REL: variants seen among roughly 807,000 people sequenced by gnomAD.
The protein encoded by REL is proto-oncogene c-Rel.
REL carries 15 observed loss-of-function variants against 45.9 expected under a neutral mutation model. That is an observed-to-expected ratio of 0.33 (90% CI 0.22 to 0.50). REL has a LOEUF of 0.50. REL is among the 20% of genes least tolerant of loss of function. REL has a pLI of 0.98. For synonymous variants in REL, 239 were observed against 242.1 expected (o/e 0.99, Z 0.12); for missense variants, 601 against 715.2 (o/e 0.84, Z 1.82).
At chr2:60,919,972 T>C in intron 7 of REL, 69 bp from the exon 8 acceptor site, 1 of 966,040 alleles carries the variant, frequency 1.0e-6, no homozygotes. Context: ...GAATAAAATA[T>C]TTGTTTATTA....
chr2:60,926,804 CTCT>C lies in REL; in HGVS notation c.*4271_*4273del, dbSNP rs757698741. On this transcript the variant is annotated 3_prime_UTR_variant, in exon 10 of 10. Transcript: ENST00000394479. ...CATCAAGTCCTTTTGAGCTTGTCTC[CTCT>C]TGAATATGTCCCTTCTTAATTCCTG... 3.0e-4 allele frequency: 69 copies of C among 227,354 alleles called. 1 individual carries two copies. Among genetic ancestry groups the C allele is most frequent in the Non-Finnish European group, 5.3e-4 (60 of 114,282 alleles). The allele number at this position is 227,354 out of a possible 1,614,324, so 14.1% of individuals were successfully genotyped here.
Position 60,881,758 on chromosome 2 carries a change from C to G in REL, c.-83C>G, listed in dbSNP as rs1672941404. 2.3e-6 allele frequency: 3 copies of G among 1,324,620 alleles called. No individual in the cohort carries two copies. The highest frequency in any genetic ancestry group is 1.5e-5 in the African/African-American group (1 of 66,540). 82.1% of individuals were successfully genotyped at this position (1,324,620 alleles called of 1,614,324 possible). A position where few individuals can be genotyped will look rare whatever the true frequency, so the allele number is the denominator to read the frequency against. On this transcript the variant is annotated 5_prime_UTR_variant, in exon 1 of 10. Transcript: ENST00000394479. ...CTGGGGGCCCCGCCGGCAGAGGTCCCTCGGCCTCCTGACTGACTGACTGCG... is the reference window on the plus strand; with the variant it reads ...CTGGGGGCCCCGCCGGCAGAGGTCCGTCGGCCTCCTGACTGACTGACTGCG...
intron 3 of REL, among the ~76,000 whole-genome samples, chr2:60,895,336 C>G (rs1276375578): frequency 1.3e-5 from 2 of 152,078 alleles, no homozygotes; most frequent in Non-Finnish European, 2.9e-5. Flanking sequence ...CATGTACCAC[C>G]ATGCCCGGCT....
intron 4 of REL, among the ~76,000 whole-genome samples, chr2:60,903,837 T>G (rs1673563515): frequency 6.6e-6 from 1 of 152,074 alleles, no homozygotes. Context: ...GGCCAGAGTT[T>G]CTGTATTTTT....
intron 3 of REL, among the ~76,000 whole-genome samples, chr2:60,895,989 A>G (rs1673336785): frequency 6.6e-6 from 1 of 151,960 alleles, no homozygotes; most frequent in African/African-American, 2.4e-5. Flanking sequence ...TTAGATAAAT[A>G]GGTTTTCTGT....
At chr2:60,912,447 T>C (rs1289008170) in intron 4 of REL, among the ~76,000 whole-genome samples, 2 of 152,192 alleles carry the variant, frequency 1.3e-5, no homozygotes, top group African/African-American at 4.8e-5. Flanking sequence ...AAATTGGTTT[T>C]ATTATGGTGT....
Position 60,928,709 on chromosome 2 carries a change from A to G in REL, c.*6174A>G, listed in dbSNP as rs1444767139. On this transcript the variant is annotated 3_prime_UTR_variant, in exon 10 of 10. Transcript: ENST00000394479. ...TAAAGACTTAAACGTTAGACCTAAA[A>G]CCATAAAAACCCTAGAAGAAAACCT... 1 of 133,766 alleles carries G rather than the reference A, an allele frequency of 7.5e-6. No homozygotes were observed. The highest frequency in any genetic ancestry group is 1.6e-5 in the Non-Finnish European group (1 of 61,052). The allele number at this position is 133,766 out of a possible 1,614,324, so 8.3% of individuals were successfully genotyped here. A position where few individuals can be genotyped will look rare whatever the true frequency, so the allele number is the denominator to read the frequency against.
chr2:60,886,016 G>A (rs1438947734), intron 1 of REL, among the ~76,000 whole-genome samples: 1 of 152,148 alleles, frequency 6.6e-6, no homozygotes, highest in African/African-American at 2.4e-5. Flanking sequence ...AGCCAGAATT[G>A]CTTTGCCTAA....
chr2:60,894,116 A>T (rs1259519530), intron 2 of REL, among the ~76,000 whole-genome samples: 1 of 152,202 alleles, frequency 6.6e-6, no homozygotes, highest in Non-Finnish European at 1.5e-5. Context: ...TATGGATAAA[A>T]TTTGGGTAGA....
intron 1 of REL, among the ~76,000 whole-genome samples, chr2:60,882,475 G>T (rs1368902413): frequency 6.6e-6 from 1 of 152,130 alleles, no homozygotes; most frequent in Non-Finnish European, 1.5e-5. Flanking sequence ...AGGAGTTTGA[G>T]ACCAGCCTGG....
intron 1 of REL, among the ~76,000 whole-genome samples, chr2:60,884,581 A>G (rs1466007077): frequency 6.6e-6 from 1 of 152,112 alleles, no homozygotes; most frequent in Non-Finnish European, 1.5e-5. Context: ...ATTTAATATA[A>G]GTAAAATTAG....
intron 4 of REL, among the ~76,000 whole-genome samples, chr2:60,909,628 C>T (rs977664686): frequency 3.0e-4 from 46 of 152,226 alleles, no homozygotes; most frequent in African/African-American, 1.0e-3. Flanking sequence ...CCAGGCTGGG[C>T]GCAGTGGCTC....
At chr2:60,894,375 T>C (rs1673295243) in intron 2 of REL, 22 bp from the exon 3 acceptor site, 1 of 1,412,682 alleles carries the variant, frequency 7.1e-7, no homozygotes. Flanking sequence ...GGATCATGTA[T>C]TTAATTTCCC....
chr2:60,904,217 A>G (rs1673574680), intron 4 of REL, among the ~76,000 whole-genome samples: 1 of 151,822 alleles, frequency 6.6e-6, no homozygotes, highest in Non-Finnish European at 1.5e-5. Context: ...CCTGACCAAC[A>G]TGGTGAAACC....
At chr2:60,906,924 T>TC (rs1345734700) in intron 4 of REL, among the ~76,000 whole-genome samples, 2 of 144,938 alleles carry the variant, frequency 1.4e-5, no homozygotes, top group Non-Finnish European at 3.0e-5. Context: ...TTTTTTTTTT[T>TC]TTTTTCTTTT....
intron 4 of REL, among the ~76,000 whole-genome samples, chr2:60,904,558 T>C (rs1425886565): frequency 1.4e-5 from 2 of 144,244 alleles, no homozygotes; most frequent in Non-Finnish European, 3.0e-5. Context: ...GCAACAAGAG[T>C]GAAACTCCAT....
chr2:60,893,324 T>G (rs1200558081), intron 2 of REL, among the ~76,000 whole-genome samples: 1 of 152,238 alleles, frequency 6.6e-6, no homozygotes, highest in Non-Finnish European at 1.5e-5. Context: ...TTATATATAT[T>G]GAATTCCAGA....
chr2:60,896,379 C>T (rs892114562), intron 3 of REL, among the ~76,000 whole-genome samples: 5 of 151,910 alleles, frequency 3.3e-5, no homozygotes, highest in Admixed American at 6.6e-5. Flanking sequence ...TATACATATA[C>T]ATGATGTGTA....
intron 4 of REL, among the ~76,000 whole-genome samples, chr2:60,908,878 G>A (rs13026050): frequency 0.11 from 17,220 of 152,056 alleles, 1,309 homozygotes; most frequent in Non-Finnish European, 0.16. Flanking sequence ...AGTCTGAAAG[G>A]GAATACAGTT....
Sources: gnomAD v4.1 joint callset for allele counts (sites outside exome capture counted in the v4.1 genomes callset) on GRCh38, gnomAD v4.1.1 for gene constraint, MANE v1.5 for transcripts, NCBI Gene and HGNC (gene_info 2026-07-23, HGNC 2026-07-21) for gene names.